Variants in DYM observed in about 807,000 individuals in gnomAD.
DYM encodes the protein dymeclin.
In DYM, 78 loss-of-function variants were observed where a neutral mutation model predicts 93.1. That is an observed-to-expected ratio of 0.84 (90% CI 0.70 to 1.01). The LOEUF is 1.01. DYM is among the 50% of genes least tolerant of loss of function. The probability of loss-of-function intolerance (pLI) is 0.00; values close to 1 mark genes in which losing one functional copy is unlikely to be tolerated. For missense variants in DYM, 789 were observed against 845.0 expected (o/e 0.93, Z 0.82); for synonymous variants, 321 against 319.7 (o/e 1.00, Z -0.04).
At chr18:49,284,998 T>C (rs931722155) in intron 9 of DYM, among the ~76,000 whole-genome samples, 7 of 152,268 alleles carry the variant, frequency 4.6e-5, no homozygotes, top group African/African-American at 1.4e-4. Flanking sequence ...CCACATAGCA[T>C]TCAGCCCTTT....
intron 1 of DYM, among the ~76,000 whole-genome samples, chr18:49,441,976 C>T (rs879687171): frequency 2.0e-5 from 3 of 152,150 alleles, no homozygotes; most frequent in Non-Finnish European, 4.4e-5. Context: ...CAACTTGCTA[C>T]AGCTCCACAG....
chr18:49,097,367 G>A, intron 17 of DYM, 35 bp downstream of exon 17: 8 of 1,577,180 alleles, frequency 5.1e-6, no homozygotes, highest in Non-Finnish European at 7.0e-6. Context: ...AAGGGACACG[G>A]CAGTGTCAAG....
At chr18:49,430,145 G>T in intron 2 of DYM, 110 bp downstream of exon 2, 1 of 1,029,792 alleles carries the variant, frequency 9.7e-7, no homozygotes, top group Non-Finnish European at 1.5e-6. Flanking sequence ...ATGTATGACA[G>T]ATAGACTAGA....
chr18:49,163,659 T>C, intron 15 of DYM, 26 bp downstream of exon 15: 4 of 1,547,224 alleles, frequency 2.6e-6, no homozygotes, highest in Non-Finnish European at 3.6e-6. Context: ...GAAAATTTTT[T>C]ATTGATGAAT....
At chr18:49,154,553 C>T (rs1403589227) in intron 15 of DYM, among the ~76,000 whole-genome samples, 3 of 152,048 alleles carry the variant, frequency 2.0e-5, no homozygotes, top group African/African-American at 7.2e-5. Context: ...TGCCACCATG[C>T]TCAGCTAATT....
At chr18:49,106,798 T>C (rs942505762) in intron 16 of DYM, among the ~76,000 whole-genome samples, 7 of 152,262 alleles carry the variant, frequency 4.6e-5, no homozygotes, top group Admixed American at 2.0e-4. Flanking sequence ...TGGGCTTCCC[T>C]TTGTGGGTAA....
chr18:49,170,606 C>T (rs1319349679), intron 14 of DYM, among the ~76,000 whole-genome samples: 1 of 151,226 alleles, frequency 6.6e-6, no homozygotes. Context: ...ATGGTGAAAC[C>T]CCATCTCTAA....
intron 11 of DYM, among the ~76,000 whole-genome samples, chr18:49,268,958 T>C (rs1158698687): frequency 6.6e-6 from 1 of 152,088 alleles, no homozygotes; most frequent in Non-Finnish European, 1.5e-5. Context: ...TTAATGGGGC[T>C]ATATTAAACT....
At chr18:49,046,138 GAC>G (rs778881277) in intron 17 of DYM, among the ~76,000 whole-genome samples, 1 of 139,472 alleles carries the variant, frequency 7.2e-6, no homozygotes, top group Non-Finnish European at 1.5e-5. Context: ...CACTCACATA[GAC>G]ACACACACAG....
At chr18:49,395,759 A>T (rs534494988) in intron 2 of DYM, among the ~76,000 whole-genome samples, 1 of 152,366 alleles carries the variant, frequency 6.6e-6, no homozygotes, top group East Asian at 1.9e-4. Context: ...GGCTATTATT[A>T]AAAAGACAAA....
At chr18:49,184,083 A>G (rs1040101573) in intron 14 of DYM, among the ~76,000 whole-genome samples, 5 of 152,154 alleles carry the variant, frequency 3.3e-5, no homozygotes, top group African/African-American at 4.8e-5. Context: ...CACTCAGTCT[A>G]TGGTATTTTG....
At chr18:49,348,948 C>T (rs1330650617) in intron 6 of DYM, among the ~76,000 whole-genome samples, 1 of 150,394 alleles carries the variant, frequency 6.6e-6, no homozygotes, top group African/African-American at 2.4e-5. Flanking sequence ...TGGCTCACGC[C>T]TATAATCTCA....
intron 15 of DYM, among the ~76,000 whole-genome samples, chr18:49,147,357 A>C (rs1486409158): frequency 5.3e-4 from 81 of 152,072 alleles, no homozygotes; most frequent in African/African-American, 1.4e-3. Context: ...GGATGTAATT[A>C]AACTAAAGAG....
At chr18:49,089,601 A>G (rs2078859601) in intron 17 of DYM, among the ~76,000 whole-genome samples, 1 of 152,248 alleles carries the variant, frequency 6.6e-6, no homozygotes, top group African/African-American at 2.4e-5. Context: ...AGTGGTTCCC[A>G]AATCTGGCAG....
At chr18:49,425,262 T>C (rs1488367019) in intron 2 of DYM, among the ~76,000 whole-genome samples, 2 of 152,298 alleles carry the variant, frequency 1.3e-5, no homozygotes, top group Admixed American at 6.5e-5. Flanking sequence ...CATCTGATCT[T>C]TGACAAACCT....
intron 6 of DYM, among the ~76,000 whole-genome samples, chr18:49,337,457 C>T (rs2063758112): frequency 6.6e-6 from 1 of 152,222 alleles, no homozygotes; most frequent in Admixed American, 6.5e-5. Flanking sequence ...CTTCCCAGCA[C>T]TTCTGGAACT....
intron 14 of DYM, among the ~76,000 whole-genome samples, chr18:49,195,955 G>C (rs10853577): frequency 7.5e-6 from 1 of 133,474 alleles, no homozygotes; most frequent in Admixed American, 7.6e-5. Flanking sequence ...ACGGAGCCTC[G>C]CTCTGTTGCC....
At chr18:49,057,261 T>G (rs751461773) in intron 17 of DYM, among the ~76,000 whole-genome samples, 1 of 152,196 alleles carries the variant, frequency 6.6e-6, no homozygotes, top group Non-Finnish European at 1.5e-5. Flanking sequence ...GAAAGTACAT[T>G]CAGAGGTGGC....
intron 10 of DYM, among the ~76,000 whole-genome samples, chr18:49,280,803 A>G (rs1459034082): frequency 6.6e-6 from 1 of 152,246 alleles, no homozygotes; most frequent in African/African-American, 2.4e-5. Flanking sequence ...CCAAAATATT[A>G]TAAAATACAA....
Sources: allele counts gnomAD v4.1 joint callset (sites outside exome capture counted in the v4.1 genomes callset), GRCh38; gene constraint gnomAD v4.1.1; transcripts MANE v1.5; gene names NCBI Gene and HGNC (gene_info 2026-07-23, HGNC 2026-07-21).